The following EPHA8 variants were observed in gnomAD, a reference collection of about 807,000 sequenced individuals.
EPHA8 encodes ephrin type-A receptor 8.
In EPHA8, 58 loss-of-function variants were observed where a neutral mutation model predicts 103.6. The observed-to-expected ratio is 0.56, with a 90% CI of 0.45 to 0.70. The LOEUF is 0.70. EPHA8 is among the 30% of genes least tolerant of loss of function. The pLI, the probability that EPHA8 is intolerant of heterozygous loss-of-function variation, is 0.00. For synonymous variants in EPHA8, 559 were observed against 572.5 expected (o/e 0.98, Z 0.34); for missense variants, 1,304 against 1,395.2 (o/e 0.93, Z 1.04).
chr1:22,597,239 C>G lies in EPHA8; in HGVS notation c.1766-73C>G. 1 of 1,326,820 alleles carries G rather than the reference C, an allele frequency of 7.5e-7. No homozygotes were observed. The highest frequency in any genetic ancestry group is 2.4e-5 in the East Asian group (1 of 42,282). 82.2% of individuals were successfully genotyped at this position (1,326,820 alleles called of 1,614,324 possible). On this transcript the variant is annotated intron_variant, in intron 9 of 16. Coordinates refer to ENST00000166244, the MANE Select transcript of EPHA8 (RefSeq NM_020526.5). The surrounding 1 kb of genome is among the most constrained non-coding windows in gnomAD (Gnocchi z 4.6). ...ACCCCTCACCCCACCCCAGACCCAT[C>G]CCAGGCCCAGGGAATGTCAGGAAAA...
In EPHA8 at chr1:22,593,736, C is replaced by T. The variant is rs773944548; in HGVS notation, c.1603+50C>T. The stretch of plus-strand genomic sequence containing the variant: ...CGCGGAGCAGCCCAGGTGCCAGGAC[C>T]CTGGGGTCGGGGGGTGGCCGAGGAG... On this transcript the variant is annotated intron_variant, in intron 7 of 16. Transcript: ENST00000166244. The T allele has an allele frequency of 2.7e-6, 4 of 1,483,212 alleles. No homozygotes were observed. The East Asian group carries it at 9.8e-5, about 36-fold the overall frequency. The allele number at this position is 1,483,212 out of a possible 1,614,324, so 91.9% of individuals were successfully genotyped here.
intron 3 of EPHA8, among the ~76,000 whole-genome samples, chr1:22,578,500 G>C (rs377019280): frequency 2.8e-5 from 4 of 145,338 alleles, no homozygotes; most frequent in African/African-American, 7.7e-5. Flanking sequence ...ATGTGTGCAT[G>C]AGTGCATTAG....
At position 22,598,855 on chromosome 1, in the gene EPHA8, C is replaced by T; in HGVS notation, c.2196C>T (p.Phe732=). The change falls in exon 13 of 17, where the codon TTC becomes TTT. Residue 732 remains phenylalanine, a synonymous_variant. Transcript: ENST00000166244. The surrounding 1 kb of genome is among the most constrained non-coding windows in gnomAD (Gnocchi z 5.1). ...DTFLRTHDGQ[F]TIMQLVGMLR... ...CCCTGCAGACCCACGACGGGCAGTT[C>T]ACCATCATGCAGCTGGTGGGCATGC... is the stretch of plus-strand genomic sequence containing the variant. 2 of 1,612,498 alleles carry T rather than the reference C, an allele frequency of 1.2e-6. No individual in the cohort carries two copies. Among genetic ancestry groups the T allele is most frequent in the Non-Finnish European group, 1.7e-6 (2 of 1,179,772 alleles).
At chr1:22,599,493 G>A (rs1557582776) in intron 13 of EPHA8, among the ~76,000 whole-genome samples, 1 of 151,988 alleles carries the variant, frequency 6.6e-6, no homozygotes, top group Non-Finnish European at 1.5e-5. Context: ...GGCCCCAATA[G>A]GAGCCCTCCC....
In EPHA8 at chr1:22,585,882, T is replaced by A. The variant is rs143873971; in HGVS notation, c.824-598T>A. 7.2e-3 allele frequency among the ~76,000 whole-genome samples: 1,094 copies of A among 152,284 alleles called. 8 individuals are homozygous for A. Among genetic ancestry groups the A allele is most frequent in the African/African-American group, 0.025 (1,026 of 41,556 alleles). ...GGCCCTGGCTCTTCTAACTCAGCTG[T>A]CTGTGGTGGGGCCAGGAATCTGTAT... On this transcript the variant is annotated intron_variant, in intron 3 of 16. Coordinates refer to ENST00000166244, the MANE Select transcript of EPHA8 (RefSeq NM_020526.5).
chr1:22,566,361 A>G (rs74060282), intron 1 of EPHA8, among the ~76,000 whole-genome samples: 4,590 of 152,308 alleles, frequency 0.03, 247 homozygotes, highest in African/African-American at 0.1. Context: ...TATTAGTCTC[A>G]GCGAAATGGA....
intron 2 of EPHA8, among the ~76,000 whole-genome samples, chr1:22,573,143 G>A (rs1640589025): frequency 6.6e-6 from 1 of 152,150 alleles, no homozygotes; most frequent in Non-Finnish European, 1.5e-5. Context: ...GTCCTTCTTG[G>A]GTCGGGGAGA....
rs545937086 is a variant in EPHA8, at chr1:22,587,931, G to A, written c.980-940G>A. ...GCAGAAAAGGTGGCCAGGTGACAGC[G>A]TGGGCACCTCAGGCAAGTCGAGTCT... On this transcript the variant is annotated intron_variant, in intron 4 of 16. Coordinates refer to ENST00000166244, the MANE Select transcript of EPHA8 (RefSeq NM_020526.5). Among the ~76,000 whole-genome samples the A allele has an allele frequency of 2.6e-4, 40 of 152,256 alleles. No individual in the cohort carries two copies. The South Asian group carries it at 4.3e-3, about 17-fold the overall frequency.
chr1:22,597,239 C>A lies in EPHA8; in HGVS notation c.1766-73C>A. ...ACCCCTCACCCCACCCCAGACCCATCCCAGGCCCAGGGAATGTCAGGAAAA... is the reference window on the plus strand; with the variant it reads ...ACCCCTCACCCCACCCCAGACCCATACCAGGCCCAGGGAATGTCAGGAAAA... On this transcript the variant is annotated intron_variant, in intron 9 of 16. Coordinates refer to ENST00000166244, the MANE Select transcript of EPHA8 (RefSeq NM_020526.5). This position sits in a 1 kb window ranked among gnomAD's most constrained non-coding sequence, Gnocchi z 4.6. The A allele has an allele frequency of 2.3e-6, 3 of 1,326,788 alleles. No homozygotes were observed. Among genetic ancestry groups the A allele is most frequent in the Non-Finnish European group, 3.1e-6 (3 of 960,872 alleles). 82.2% of individuals were successfully genotyped at this position (1,326,788 alleles called of 1,614,324 possible). A position where few individuals can be genotyped will look rare whatever the true frequency, so the allele number is the denominator to read the frequency against.
At chr1:22,582,642 G>A (rs1208797841) in intron 3 of EPHA8, among the ~76,000 whole-genome samples, 1 of 152,146 alleles carries the variant, frequency 6.6e-6, no homozygotes, top group Non-Finnish European at 1.5e-5. Context: ...AGGGGTGGTT[G>A]ATAGAATCTC....
chr1:22,565,273 A>G (rs941588287), intron 1 of EPHA8, among the ~76,000 whole-genome samples: 30 of 152,224 alleles, frequency 2.0e-4, no homozygotes, highest in African/African-American at 7.2e-4. Context: ...ATAGTCTCCC[A>G]TGAGCCCAGG....
Position 22,586,573 on chromosome 1 carries a change from C to T in EPHA8, c.917C>T (p.Ala306Val). The stretch of plus-strand genomic sequence containing the variant: ...CACTCCGCAGCTCCAGCCGCCCAAG[C>T]CTGCCACTGTGACCTCAGCTACTAC... ...HSHSAAPAAQ[A>V]CHCDLSYYRA... The change falls in exon 4 of 17, where the codon GCC becomes GTC. Residue 306 changes from alanine (A) to valine (V), a missense_variant. Coordinates refer to ENST00000166244, the MANE Select transcript of EPHA8 (RefSeq NM_020526.5). 6.2e-7 allele frequency: 1 copy of T among 1,613,984 alleles called. No homozygotes were observed. Among genetic ancestry groups the T allele is most frequent in the South Asian group, 1.1e-5 (1 of 91,070 alleles).
intron 5 of EPHA8, 83 bp from the exon 6 acceptor site, chr1:22,593,243 C>T (rs1641419565): frequency 1.3e-6 from 2 of 1,497,192 alleles, no homozygotes; most frequent in African/African-American, 1.4e-5. Context: ...GAACCAGGAT[C>T]CCCAGGTGGA....
At chr1:22,592,213 C>T (rs1641390507) in intron 5 of EPHA8, among the ~76,000 whole-genome samples, 1 of 152,172 alleles carries the variant, frequency 6.6e-6, no homozygotes, top group South Asian at 2.1e-4. Flanking sequence ...TCCCCTCCCG[C>T]TCTGGGCCCT....
chr1:22,579,900 G>A (rs79395707), intron 3 of EPHA8, among the ~76,000 whole-genome samples: 12,592 of 152,086 alleles, frequency 0.083, 555 homozygotes, highest in South Asian at 0.18. Context: ...GGGACCTTTA[G>A]TCCTCATCAC....
At chr1:22,584,264 A>C (rs930424889) in intron 3 of EPHA8, among the ~76,000 whole-genome samples, 1 of 152,148 alleles carries the variant, frequency 6.6e-6, no homozygotes, top group African/African-American at 2.4e-5. Flanking sequence ...GCGAGATCAC[A>C]GTGTGTCAGT....
chr1:22,580,023 C>G (rs1415829408), intron 3 of EPHA8, among the ~76,000 whole-genome samples: 1 of 151,696 alleles, frequency 6.6e-6, no homozygotes, highest in African/African-American at 2.4e-5. Flanking sequence ...GCTGGCTCCA[C>G]TTAGGAGCCG....
intron 4 of EPHA8, among the ~76,000 whole-genome samples, chr1:22,588,644 C>T (rs1195052004): frequency 2.6e-5 from 4 of 151,908 alleles, no homozygotes; most frequent in Admixed American, 6.5e-5. Flanking sequence ...GATGGGGTCC[C>T]AGGGTTCTGT....
At position 22,585,023 on chromosome 1, in the gene EPHA8, T is replaced by TTC. The variant is rs201825864; in HGVS notation, c.824-1453_824-1452dup. On this transcript the variant is annotated intron_variant, in intron 3 of 16. Transcript: ENST00000166244. ...CAGGAGCAGGGCGGGGAATGGTCGT[T>TTC]TCTCTGTGTGTGTGTGTGTGTGTGT... Among the ~76,000 whole-genome samples the TTC allele has an allele frequency of 9.9e-4, 108 of 108,692 alleles. 1 individual carries two copies. In the East Asian group the frequency reaches 0.023, roughly 23 times the overall value. 71.3% of individuals were successfully genotyped at this position (108,692 alleles called of 152,430 possible). A position where few individuals can be genotyped will look rare whatever the true frequency, so the allele number is the denominator to read the frequency against.
Sources: gnomAD v4.1 joint callset for allele counts (sites outside exome capture counted in the v4.1 genomes callset) on GRCh38, gnomAD v4.1.1 for gene constraint, Gnocchi (gnomAD v3.1) non-coding constraint, MANE v1.5 for transcripts, NCBI Gene and HGNC (gene_info 2026-07-23, HGNC 2026-07-21) for gene names.